Variants in KSR2 observed in about 807,000 individuals in gnomAD.
The protein encoded by KSR2 is kinase suppressor of ras 2.
In KSR2, 25 loss-of-function variants were observed where a neutral mutation model predicts 107.8. The observed-to-expected ratio is 0.23, with a 90% CI of 0.17 to 0.32. The LOEUF (loss-of-function observed/expected upper bound fraction) is 0.32, where lower values mean the gene tolerates loss of function less well. KSR2 is among the 10% of genes least tolerant of loss of function. The probability of loss-of-function intolerance (pLI) is 1.00; values close to 1 mark genes in which losing one functional copy is unlikely to be tolerated. For synonymous variants in KSR2, 480 were observed against 507.0 expected, an observed-to-expected ratio of 0.95 and a Z score of 0.71; for missense variants, 887 against 1,268.9, an observed-to-expected ratio of 0.70 and a Z score of 4.57.
At chr12:117,593,234 C>A (rs554066301) in intron 5 of KSR2, among the ~76,000 whole-genome samples, 2 of 152,136 alleles carry the variant, frequency 1.3e-5, no homozygotes, top group Non-Finnish European at 2.9e-5. Context: ...TAAACGAGGA[C>A]AAAACAAGAG....
At position 117,690,430 on chromosome 12, in the gene KSR2, T is replaced by C. The variant is rs537509046; in HGVS notation, c.987-22772A>G. Among the ~76,000 whole-genome samples, 357 of 151,944 alleles carry C rather than the reference T, an allele frequency of 2.3e-3. 6 individuals carry two copies. Among genetic ancestry groups the C allele is most frequent in the Non-Finnish European group, 2.2e-3 (152 of 68,004 alleles). ...AATACAAAAAATTAGCCAGGCGTGG[T>C]GGTGTGTGTCTGTAATCCCAGCTAC... On this transcript the variant is annotated intron_variant, in intron 4 of 19. Coordinates refer to ENST00000339824, the MANE Select transcript of KSR2 (RefSeq NM_173598.6).
chr12:117,471,355 G>A (rs771518278), intron 17 of KSR2, 35 bp from the exon 18 acceptor site: 1 of 1,601,064 alleles, frequency 6.2e-7, no homozygotes, highest in Non-Finnish European at 8.5e-7. Context: ...GTGTTGGTGT[G>A]GTGTGTCACT....
chr12:117,519,851 A>G (rs1341316151), intron 14 of KSR2, among the ~76,000 whole-genome samples: 1 of 152,024 alleles, frequency 6.6e-6, no homozygotes, highest in African/African-American at 2.4e-5. Flanking sequence ...AGGGTATTGG[A>G]GAAGCACATA....
At chr12:117,602,260 T>C (rs1343084220) in intron 5 of KSR2, among the ~76,000 whole-genome samples, 2 of 152,220 alleles carry the variant, frequency 1.3e-5, no homozygotes, top group African/African-American at 4.8e-5. Flanking sequence ...AAATTAACCA[T>C]TTAAAAGTGT....
intron 4 of KSR2, among the ~76,000 whole-genome samples, chr12:117,675,853 G>C (rs1011003660): frequency 6.6e-6 from 1 of 152,220 alleles, no homozygotes; most frequent in Non-Finnish European, 1.5e-5. Context: ...AGCCTGCTTT[G>C]AGGACAGGCA....
At chr12:117,721,345 G>A (rs1887197364) in intron 4 of KSR2, among the ~76,000 whole-genome samples, 1 of 152,202 alleles carries the variant, frequency 6.6e-6, no homozygotes, top group Admixed American at 6.5e-5. Context: ...ATGAATGTAG[G>A]TGAGAAAGGG....
At chr12:117,931,198 A>T (rs1429184730) in intron 1 of KSR2, among the ~76,000 whole-genome samples, 2 of 152,070 alleles carry the variant, frequency 1.3e-5, no homozygotes, top group African/African-American at 4.8e-5. Flanking sequence ...ATTTTAAAGG[A>T]TCTCAACCAA....
At chr12:117,733,321 G>C (rs960519919) in intron 4 of KSR2, among the ~76,000 whole-genome samples, 4 of 151,980 alleles carry the variant, frequency 2.6e-5, no homozygotes, top group African/African-American at 9.7e-5. Flanking sequence ...TTCCAAACCA[G>C]CTCTATCTCC....
chr12:117,947,229 G>C (rs1465760825), intron 1 of KSR2, among the ~76,000 whole-genome samples: 14 of 115,956 alleles, frequency 1.2e-4, no homozygotes, highest in Admixed American at 8.5e-5. Context: ...AAGAAAGAAA[G>C]AAAGAAAGAA....
At chr12:117,627,772 C>T (rs1882599762) in intron 5 of KSR2, among the ~76,000 whole-genome samples, 1 of 152,150 alleles carries the variant, frequency 6.6e-6, no homozygotes, top group Non-Finnish European at 1.5e-5. Context: ...GAGAAGTTCT[C>T]CTGGATAATA....
At chr12:117,512,803 A>C (rs531328971) in intron 14 of KSR2, among the ~76,000 whole-genome samples, 33 of 152,246 alleles carry the variant, frequency 2.2e-4, no homozygotes, top group African/African-American at 7.7e-4. Context: ...TAACTTCAGT[A>C]TCCTGGTCCC....
At chr12:117,634,592 G>A (rs1389671235) in intron 5 of KSR2, among the ~76,000 whole-genome samples, 7 of 152,090 alleles carry the variant, frequency 4.6e-5, no homozygotes, top group African/African-American at 1.4e-4. Flanking sequence ...AAGCGAGGAG[G>A]AATTGCCCTC....
intron 1 of KSR2, among the ~76,000 whole-genome samples, chr12:117,953,198 A>C (rs756413587): frequency 6.6e-6 from 1 of 151,976 alleles, no homozygotes; most frequent in Non-Finnish European, 1.5e-5. Context: ...AACAAAAGTC[A>C]TCAAGGATGT....
At chr12:117,711,173 A>AG (rs1438382619) in intron 4 of KSR2, among the ~76,000 whole-genome samples, 4 of 152,224 alleles carry the variant, frequency 2.6e-5, no homozygotes, top group Admixed American at 6.5e-5. Context: ...AAATTTCAAG[A>AG]GGGCAAAGAC....
intron 16 of KSR2, among the ~76,000 whole-genome samples, chr12:117,483,202 GTGGAGCAAAATC>G (rs1308539477): frequency 6.6e-6 from 1 of 152,040 alleles, no homozygotes; most frequent in African/African-American, 2.4e-5. Context: ...TCTTTCTTGG[GTGGAGCAAAATC>G]TGAAAAAGAA....
chr12:117,605,638 A>C (rs1480837422), intron 5 of KSR2, among the ~76,000 whole-genome samples: 1 of 152,178 alleles, frequency 6.6e-6, no homozygotes, highest in Non-Finnish European at 1.5e-5. Context: ...TACCCAAAGG[A>C]ATAGAAATCA....
chr12:117,724,596 G>A (rs1269260486), intron 4 of KSR2, among the ~76,000 whole-genome samples: 2 of 131,908 alleles, frequency 1.5e-5, no homozygotes, highest in African/African-American at 5.9e-5. Context: ...ACCCCCGGCC[G>A]CCTGCAGTTC....
chr12:117,814,203 T>C (rs1270143950), intron 3 of KSR2, among the ~76,000 whole-genome samples: 1 of 152,102 alleles, frequency 6.6e-6, no homozygotes, highest in Non-Finnish European at 1.5e-5. Context: ...TATACCACTG[T>C]GGGATGACTA....
At chr12:117,522,722 G>A (rs1307883479) in intron 14 of KSR2, among the ~76,000 whole-genome samples, 6 of 152,112 alleles carry the variant, frequency 3.9e-5, no homozygotes, top group Admixed American at 3.9e-4. Flanking sequence ...TTGGAAACCT[G>A]AGACCGCCAT....
Sources: gnomAD v4.1 joint callset for allele counts (sites outside exome capture counted in the v4.1 genomes callset) on GRCh38, gnomAD v4.1.1 for gene constraint, MANE v1.5 for transcripts, NCBI Gene and HGNC (gene_info 2026-07-23, HGNC 2026-07-21) for gene names.